The following PPP1R15B variants were observed in gnomAD, a reference collection of about 807,000 sequenced individuals.
PPP1R15B encodes the protein protein phosphatase 1 regulatory subunit 15B, also known as protein phosphatase 1, regulatory (inhibitor) subunit 15B.
A neutral mutation model predicts 53.9 loss-of-function variants in PPP1R15B; 31 were observed. The observed-to-expected ratio is 0.58, with a 90% confidence interval of 0.43 to 0.78. The LOEUF is 0.78. Among genes scored for constraint, PPP1R15B ranks in the 30% least tolerant of loss-of-function variants. The pLI is 0.00. For synonymous variants in PPP1R15B, 345 were observed against 329.1 expected (o/e 1.05, Z -0.52); for missense variants, 928 against 849.6 (o/e 1.09, Z -1.15).
rs1163947120 is a variant in PPP1R15B at position 204,410,453 on chromosome 1, T to C, written c.959A>G (p.Asn320Ser). The C allele has an allele frequency of 2.5e-6, 4 of 1,614,092 alleles. No individual in the cohort carries two copies. The highest frequency in any genetic ancestry group is 3.4e-6 in the Non-Finnish European group (4 of 1,180,032). Reference protein sequence around the residue: ...GQDLPTPDQDNGYHSLEEEHS... With the variant: ...GQDLPTPDQDSGYHSLEEEHS... ...TTCCTCCTCCAGGCTGTGGTAGCCATTATCCTGGTCAGGGGTGGGTAAATC... is the reference window on the plus strand; with the variant it reads ...TTCCTCCTCCAGGCTGTGGTAGCCACTATCCTGGTCAGGGGTGGGTAAATC... The change falls in exon 1 of 2, where the codon AAT becomes AGT. Residue 320 changes from asparagine to serine, a missense_variant. Asn to Ser is a conservative substitution (Grantham distance 46). Transcript: ENST00000367188.
Position 204,410,028 on chromosome 1 carries a change from A to G in PPP1R15B, c.1384T>C (p.Ser462Pro). Reference protein sequence around the residue: ...AEDDGFDSDSSLSDSDLEQDP... With the variant: ...AEDDGFDSDSPLSDSDLEQDP... Reference sequence around the variant, plus strand: ...TGTTCAAGGTCTGAGTCTGACAGTGAGCTATCACTATCAAAACCATCATCC... The same window carrying G: ...TGTTCAAGGTCTGAGTCTGACAGTGGGCTATCACTATCAAAACCATCATCC... Residue 462 changes from serine to proline, a missense_variant, in exon 1 of 2, where the codon TCA becomes CCA. By Grantham distance (74) the Ser-to-Pro change is moderately conservative. Coordinates refer to ENST00000367188, the MANE Select transcript of PPP1R15B (RefSeq NM_032833.5). 10 of 1,614,184 alleles carry G rather than the reference A, an allele frequency of 6.2e-6. No individual in the cohort carries two copies. Among genetic ancestry groups the G allele is most frequent in the Non-Finnish European group, 8.5e-6 (10 of 1,180,006 alleles).
intron 1 of PPP1R15B, among the ~76,000 whole-genome samples, chr1:204,408,083 A>G (rs1674297789): frequency 6.6e-6 from 1 of 152,226 alleles, no homozygotes; most frequent in Admixed American, 6.5e-5. Flanking sequence ...AGTTTTATTT[A>G]CTTGTCTCAT....
rs982936624 is a variant in PPP1R15B at position 204,404,772 on chromosome 1, G to A, written c.*1320C>T. 56 of 985,654 alleles carry A rather than the reference G, an allele frequency of 5.7e-5. No homozygotes were observed. Among genetic ancestry groups the A allele is most frequent in the Non-Finnish European group, 6.3e-5 (52 of 829,926 alleles). 61.1% of individuals were successfully genotyped at this position (985,654 alleles called of 1,614,324 possible). A position where few individuals can be genotyped will look rare whatever the true frequency, so the allele number is the denominator to read the frequency against. On this transcript the variant is annotated 3_prime_UTR_variant, in exon 2 of 2. Coordinates refer to ENST00000367188, the MANE Select transcript of PPP1R15B (RefSeq NM_032833.5). ...CCATTACCTGTGACAGGAAGCACAC[G>A]GAATGAAAGCAGACCACGGAAGGGT...
At chr1:204,406,606 GC>G (rs1351391210) in intron 1 of PPP1R15B, among the ~76,000 whole-genome samples, 1 of 152,110 alleles carries the variant, frequency 6.6e-6, no homozygotes, top group Non-Finnish European at 1.5e-5. Flanking sequence ...GAAAAAATTA[GC>G]CAGGCGTGGT....
intron 1 of PPP1R15B, among the ~76,000 whole-genome samples, chr1:204,407,106 A>G (rs1385711241): frequency 6.6e-6 from 1 of 152,224 alleles, no homozygotes; most frequent in Non-Finnish European, 1.5e-5. Context: ...TTATCACTGC[A>G]TAAAGGCTTT....
In PPP1R15B at chr1:204,410,744, A is replaced by T. The variant is rs900450703; in HGVS notation, c.668T>A (p.Leu223Gln). 1.2e-6 allele frequency: 2 copies of T among 1,614,240 alleles called. No homozygotes were observed. ...AAAGCAGTCCAGGTAGGAAGGGTTC[A>T]GCAAATAGGATACCACACTGAAATT... The part of the protein sequence containing the change: ...IDNFSVVSYL[L>Q]NPSYLDCFPR... Residue 223 changes from leucine to glutamine, a missense_variant, in exon 1 of 2, where the codon CTG becomes CAG. Physicochemically the swap from Leu to Gln is moderately radical, Grantham distance 113. Coordinates refer to ENST00000367188, the MANE Select transcript of PPP1R15B (RefSeq NM_032833.5).
At chr1:204,409,166 C>T (rs1392551421) in intron 1 of PPP1R15B, among the ~76,000 whole-genome samples, 1 of 152,152 alleles carries the variant, frequency 6.6e-6, no homozygotes, top group African/African-American at 2.4e-5. Flanking sequence ...CGTGTACACA[C>T]AAAGTTTAAT....
Position 204,404,319 on chromosome 1 carries a change from TA to T in PPP1R15B, c.*1772del. 1 of 684,104 alleles carries T rather than the reference TA, an allele frequency of 1.5e-6. No individual in the cohort carries two copies. The highest frequency in any genetic ancestry group is 1.8e-6 in the Non-Finnish European group (1 of 555,322). The allele number at this position is 684,104 out of a possible 1,614,324, so 42.4% of individuals were successfully genotyped here. On this transcript the variant is annotated 3_prime_UTR_variant, in exon 2 of 2. Coordinates refer to ENST00000367188, the MANE Select transcript of PPP1R15B (RefSeq NM_032833.5). The stretch of plus-strand genomic sequence containing the variant: ...CAACATAGCGAAACCCCGTCTCTAC[TA>T]AAAAGACACAAAAAATTAGCCGGGC...
downstream of PPP1R15B, among the ~76,000 whole-genome samples, chr1:204,396,580 A>C (rs1167955634): frequency 1.3e-5 from 2 of 151,044 alleles, no homozygotes; most frequent in Non-Finnish European, 2.9e-5. Flanking sequence ...CAAAGAAAAG[A>C]AAAGCAATGG....
At chr1:204,397,926 CA>C (rs140925452), downstream of PPP1R15B, among the ~76,000 whole-genome samples, 1,271 of 151,020 alleles carry the variant, frequency 8.4e-3, 14 homozygotes, top group African/African-American at 0.029. Flanking sequence ...ACTACAAATA[CA>C]AAATAATGTA....
Position 204,406,216 on chromosome 1 carries a change from T to C in PPP1R15B, c.2018A>G (p.Gln673Arg), listed in dbSNP as rs778049239. Residue 673 changes from glutamine to arginine, a missense_variant, in exon 2 of 2, where the codon CAG (glutamine) becomes CGG (arginine). Physicochemically the swap from Gln to Arg is conservative, Grantham distance 43. Coordinates refer to ENST00000367188, the MANE Select transcript of PPP1R15B (RefSeq NM_032833.5). Reference protein sequence around the residue: ...EEFARDGCRFQKRIQETEDAI... With the variant: ...EEFARDGCRFRKRIQETEDAI... Reference sequence around the variant, plus strand: ...ATCTTCTGTTTCTTGAATTCGTTTCTGGAACCTGCATCCATCCCTTGCAAA... The same window carrying C: ...ATCTTCTGTTTCTTGAATTCGTTTCCGGAACCTGCATCCATCCCTTGCAAA... 9.9e-6 allele frequency: 16 copies of C among 1,614,210 alleles called. No individual in the cohort carries two copies. Among genetic ancestry groups the C allele is most frequent in the Non-Finnish European group, 1.4e-5 (16 of 1,180,032 alleles).
chr1:204,409,872 A>G lies in PPP1R15B; in HGVS notation c.1540T>C (p.Leu514=). ...PEEPSDSEKD[L]SGKSDLENSS... ...TTCTCTAGATCAGACTTGCCAGACA[A>G]ATCCTTCTCTGAATCAGAAGGCTCT... The change falls in exon 1 of 2, where the codon TTG becomes CTG. Residue 514 remains leucine (L), a synonymous_variant. Coordinates refer to ENST00000367188, the MANE Select transcript of PPP1R15B (RefSeq NM_032833.5). 1 of 1,614,150 alleles carries G rather than the reference A, an allele frequency of 6.2e-7. No homozygotes were observed. Among genetic ancestry groups the G allele is most frequent in the Non-Finnish European group, 8.5e-7 (1 of 1,180,022 alleles).
At chr1:204,407,473 T>G (rs1409320986) in intron 1 of PPP1R15B, among the ~76,000 whole-genome samples, 5 of 152,182 alleles carry the variant, frequency 3.3e-5, no homozygotes, top group African/African-American at 9.7e-5. Flanking sequence ...ACTCCAAAAG[T>G]AAATACTTGC....
chr1:204,411,257 G>A lies in PPP1R15B; in HGVS notation c.155C>T (p.Ser52Phe), dbSNP rs747727040. ...PENSGNPTLL[S>F]SAQPETRVSY... ...GACCCGAGTCTCGGGCTGGGCAGAGGAAAGCAGTGTGGGGTTCCCGGAGTT... is the reference window on the plus strand; with the variant it reads ...GACCCGAGTCTCGGGCTGGGCAGAGAAAAGCAGTGTGGGGTTCCCGGAGTT... Residue 52 changes from serine (S) to phenylalanine (F), a missense_variant, in exon 1 of 2, where the codon TCC becomes TTC. Coordinates refer to ENST00000367188, the MANE Select transcript of PPP1R15B (RefSeq NM_032833.5). The A allele has an allele frequency of 1.2e-6, 2 of 1,614,270 alleles. No homozygotes were observed. Among genetic ancestry groups the A allele is most frequent in the East Asian group, 2.2e-5 (1 of 44,890 alleles).
In PPP1R15B at chr1:204,409,642, G is replaced by A. The variant is rs1270658460; in HGVS notation, c.1770C>T (p.Thr590=). 1.2e-6 allele frequency: 2 copies of A among 1,613,906 alleles called. No individual in the cohort carries two copies. Among genetic ancestry groups the A allele is most frequent in the African/African-American group, 1.3e-5 (1 of 74,842 alleles). The change falls in exon 1 of 2, where the codon ACC becomes ACT. Residue 590 remains threonine, a synonymous_variant. Coordinates refer to ENST00000367188, the MANE Select transcript of PPP1R15B (RefSeq NM_032833.5). ...ENEKGCRDSK[T]PSESIVAISE... ...AAATGGCCACAATGGACTCAGATGGGGTCTTTGAGTCACGACAGCCTTTCT... is the reference window on the plus strand; with the variant it reads ...AAATGGCCACAATGGACTCAGATGGAGTCTTTGAGTCACGACAGCCTTTCT...
Position 204,403,776 on chromosome 1 carries a change from G to A in PPP1R15B, c.*2316C>T, listed in dbSNP as rs775011552. The A allele has an allele frequency of 2.0e-6, 2 of 985,390 alleles. No individual in the cohort carries two copies. The highest frequency in any genetic ancestry group is 6.2e-5 in the Admixed American group (1 of 16,260). The allele number at this position is 985,390 out of a possible 1,614,324, so 61.0% of individuals were successfully genotyped here. On this transcript the variant is annotated 3_prime_UTR_variant, in exon 2 of 2. Transcript: ENST00000367188. ...GTTTAACTTTGTTCTAACTAGAATT[G>A]GGATGAAACAAGAATTTTGCTTTTT... is the stretch of plus-strand genomic sequence containing the variant.
rs1558214848 is a variant in PPP1R15B, at chr1:204,405,430, A to T, written c.*662T>A. 2.0e-6 allele frequency: 2 copies of T among 985,044 alleles called. No homozygotes were observed. The highest frequency in any genetic ancestry group is 2.4e-6 in the Non-Finnish European group (2 of 829,736). The allele number at this position is 985,044 out of a possible 1,614,324, so 61.0% of individuals were successfully genotyped here. Reference sequence around the variant, plus strand: ...CCCAAAGTAGTAAAGTACTGCACATATGGGTTTTGTGGCAGTCCTTGGAAA... The same window carrying T: ...CCCAAAGTAGTAAAGTACTGCACATTTGGGTTTTGTGGCAGTCCTTGGAAA... On this transcript the variant is annotated 3_prime_UTR_variant, in exon 2 of 2. Coordinates refer to ENST00000367188, the MANE Select transcript of PPP1R15B (RefSeq NM_032833.5).
downstream of PPP1R15B, among the ~76,000 whole-genome samples, chr1:204,398,072 G>C (rs1270284392): frequency 6.6e-6 from 1 of 152,192 alleles, no homozygotes; most frequent in Non-Finnish European, 1.5e-5. Flanking sequence ...TTAAAGAAAA[G>C]TGTATCATGT....
At position 204,410,010 on chromosome 1, in the gene PPP1R15B, G is replaced by T; in HGVS notation, c.1402C>A (p.Leu468Ile). Residue 468 changes from leucine to isoleucine, a missense_variant, in exon 1 of 2, where the codon CTT (leucine) becomes ATT (isoleucine). By Grantham distance (5) the Leu-to-Ile change is conservative. Coordinates refer to ENST00000367188, the MANE Select transcript of PPP1R15B (RefSeq NM_032833.5). The stretch of plus-strand genomic sequence containing the variant: ...TGAAGCCCTTCAGGGTCTTGTTCAA[G>T]GTCTGAGTCTGACAGTGAGCTATCA... ...DSDSSLSDSD[L>I]EQDPEGLHLW... The T allele has an allele frequency of 1.9e-6, 3 of 1,614,184 alleles. No individual in the cohort carries two copies. Among genetic ancestry groups the T allele is most frequent in the Non-Finnish European group, 2.5e-6 (3 of 1,180,026 alleles).
Sources: allele counts gnomAD v4.1 joint callset (sites outside exome capture counted in the v4.1 genomes callset), GRCh38; gene constraint gnomAD v4.1.1; transcripts MANE v1.5; gene names NCBI Gene and HGNC (gene_info 2026-07-23, HGNC 2026-07-21).